The following HS6ST2 variants were observed in gnomAD, a reference collection of about 807,000 sequenced individuals.
HS6ST2 encodes the protein heparan-sulfate 6-O-sulfotransferase 2.
In HS6ST2, 17 loss-of-function variants were observed where a neutral mutation model predicts 33.0. The ratio of observed to expected loss-of-function variants is 0.52; its 90% CI spans 0.35 to 0.77. The LOEUF (loss-of-function observed/expected upper bound fraction) is 0.77, where lower values mean the gene tolerates loss of function less well. Ranked by LOEUF, HS6ST2 falls within the 30% of genes least tolerant of loss-of-function variation. The pLI is 0.01. For missense variants in HS6ST2, 519 were observed against 551.7 expected, an observed-to-expected ratio of 0.94 and a Z score of 0.59; for synonymous variants, 248 against 237.1, an observed-to-expected ratio of 1.05 and a Z score of -0.42.
chrX:132,744,643 G>GT (rs1001580108), intron 2 of HS6ST2, among the ~76,000 whole-genome samples: 20 of 111,492 alleles, frequency 1.8e-4, no homozygotes, highest in African/African-American at 4.6e-4. Context: ...CAGCTGAATT[G>GT]TTTTTTTCAC....
chrX:132,713,855 G>A (rs2064252338), intron 2 of HS6ST2, among the ~76,000 whole-genome samples: 1 of 109,655 alleles, frequency 9.1e-6, no homozygotes, highest in Non-Finnish European at 1.9e-5. Context: ...AGCTGACAAG[G>A]ATTCCAACCT....
intron 2 of HS6ST2, among the ~76,000 whole-genome samples, chrX:132,951,231 C>T (rs2148504205): frequency 9.0e-6 from 1 of 111,591 alleles, no homozygotes; most frequent in Non-Finnish European, 1.9e-5. Context: ...TCTTTCCATC[C>T]AAGAGCTTCT....
intron 2 of HS6ST2, among the ~76,000 whole-genome samples, chrX:132,840,313 G>A (rs1283416038): frequency 9.0e-6 from 1 of 110,535 alleles, no homozygotes; most frequent in Non-Finnish European, 1.9e-5. Context: ...TCAGAATCAT[G>A]AGATCAATAA....
At chrX:132,947,577 T>C (rs2066970393) in intron 2 of HS6ST2, among the ~76,000 whole-genome samples, 1 of 111,976 alleles carries the variant, frequency 8.9e-6, no homozygotes, top group Non-Finnish European at 1.9e-5. Context: ...GATATCAACA[T>C]AGCCACATCA....
At chrX:132,843,712 A>G (rs1033395875) in intron 2 of HS6ST2, among the ~76,000 whole-genome samples, 25 of 111,318 alleles carry the variant, frequency 2.2e-4, no homozygotes, top group African/African-American at 8.2e-4. Flanking sequence ...TGGTCAGAAC[A>G]CTCCCGAAAT....
At chrX:132,850,969 T>C (rs1301282670) in intron 2 of HS6ST2, among the ~76,000 whole-genome samples, 1 of 112,114 alleles carries the variant, frequency 8.9e-6, no homozygotes, top group East Asian at 2.8e-4. Context: ...CTGCCATGAA[T>C]TGTCCTCTTC....
At chrX:132,763,813 C>T (rs1433884949) in intron 2 of HS6ST2, among the ~76,000 whole-genome samples, 1 of 111,800 alleles carries the variant, frequency 8.9e-6, no homozygotes. Context: ...CATCCATCAC[C>T]AAATAGAAAG....
At chrX:132,771,193 G>C (rs1257968482) in intron 2 of HS6ST2, among the ~76,000 whole-genome samples, 2 of 112,196 alleles carry the variant, frequency 1.8e-5, no homozygotes, top group East Asian at 5.6e-4. Context: ...TATGCAACGA[G>C]TGAAAGAAAG....
intron 4 of HS6ST2, among the ~76,000 whole-genome samples, chrX:132,656,751 T>C (rs2063732632): frequency 8.9e-6 from 1 of 112,123 alleles, no homozygotes; most frequent in Non-Finnish European, 1.9e-5. Flanking sequence ...GATCCCAATA[T>C]GTAAAACAGA....
intron 4 of HS6ST2, among the ~76,000 whole-genome samples, chrX:132,634,835 C>T (rs1255871515): frequency 1.8e-5 from 2 of 111,307 alleles, no homozygotes; most frequent in Non-Finnish European, 3.8e-5. Context: ...AGTCACATGG[C>T]CCCTGAGGTA....
chrX:132,913,141 T>C (rs1403631100), intron 2 of HS6ST2, among the ~76,000 whole-genome samples: 1 of 111,148 alleles, frequency 9.0e-6, no homozygotes, highest in Non-Finnish European at 1.9e-5. Flanking sequence ...AAAACTCTCC[T>C]CACACTTCAG....
chrX:132,925,444 T>C (rs973706435), intron 2 of HS6ST2, among the ~76,000 whole-genome samples: 1 of 111,941 alleles, frequency 8.9e-6, no homozygotes, highest in African/African-American at 3.2e-5. Flanking sequence ...GGACTTGAGA[T>C]AGATGTCTGA....
chrX:132,843,742 G>GCCATGACT (rs1283144466), intron 2 of HS6ST2, among the ~76,000 whole-genome samples: 1 of 111,684 alleles, frequency 9.0e-6, no homozygotes, highest in African/African-American at 3.3e-5. Flanking sequence ...AATTCTAGCT[G>GCCATGACT]CCATGACTTT....
intron 2 of HS6ST2, among the ~76,000 whole-genome samples, chrX:132,935,413 A>C (rs1293924911): frequency 9.0e-6 from 1 of 111,595 alleles, no homozygotes; most frequent in African/African-American, 3.3e-5. Context: ...CCTAGGCTTC[A>C]GTGCAGTGGC....
chrX:132,893,181 T>C (rs2066333988), intron 2 of HS6ST2, among the ~76,000 whole-genome samples: 1 of 111,826 alleles, frequency 8.9e-6, no homozygotes, highest in African/African-American at 3.2e-5. Flanking sequence ...AATGAGGACC[T>C]GGACTCTGAA....
chrX:132,637,929 T>TATAATATTTTATATATAATA (rs1468586230), intron 4 of HS6ST2, among the ~76,000 whole-genome samples: 2 of 63,589 alleles, frequency 3.1e-5, no homozygotes, highest in African/African-American at 1.2e-4. Context: ...TATATATATA[T>TATAATATTTTATATATAATA]TATATATAAT....
chrX:132,782,358 G>A (rs1465639185), intron 2 of HS6ST2, among the ~76,000 whole-genome samples: 1 of 111,904 alleles, frequency 8.9e-6, no homozygotes, highest in African/African-American at 3.2e-5. Flanking sequence ...ACAGACTCAT[G>A]CAGTGAAGCA....
upstream of HS6ST2, among the ~76,000 whole-genome samples, chrX:132,960,012 C>G (rs1226366307): frequency 8.9e-6 from 1 of 112,428 alleles, no homozygotes; most frequent in Non-Finnish European, 1.9e-5. Context: ...CTTTGTCCAG[C>G]TGCAGACATA....
intron 2 of HS6ST2, among the ~76,000 whole-genome samples, chrX:132,805,369 G>A (rs765645018): frequency 3.9e-4 from 44 of 111,485 alleles, no homozygotes; most frequent in Middle Eastern, 9.2e-3. Flanking sequence ...GAGGGGAGAA[G>A]TCTCGGGTCT....
Sources: allele counts gnomAD v4.1 joint callset (sites outside exome capture counted in the v4.1 genomes callset), GRCh38; gene constraint gnomAD v4.1.1; transcripts MANE v1.5; gene names NCBI Gene and HGNC (gene_info 2026-07-23, HGNC 2026-07-21).